The following SYNE2 variants were observed in gnomAD, a reference collection of about 807,000 sequenced individuals.
SYNE2 encodes nesprin-2.
A neutral mutation model predicts 856.3 loss-of-function variants in SYNE2; 431 were observed. The ratio of observed to expected loss-of-function variants is 0.50; its 90% confidence interval spans 0.47 to 0.55. The LOEUF (loss-of-function observed/expected upper bound fraction) is 0.55. SYNE2 is among the 20% of genes least tolerant of loss of function. SYNE2 has a pLI of 0.00. For missense variants in SYNE2, 8,129 were observed against 8,023.2 expected (o/e 1.01, Z -0.50); for synonymous variants, 2,923 against 2,872.3 (o/e 1.02, Z -0.56).
chr14:64,034,650 G>C (rs2097071548), intron 45 of SYNE2: 2 of 460,264 alleles, frequency 4.3e-6, no homozygotes, highest in African/African-American at 3.9e-5. Context: ...GAAATGTTCA[G>C]GCAGACCTAG....
Position 64,202,913 on chromosome 14 carries a change from T to C in SYNE2, c.18151T>C (p.Tyr6051His). 3 of 1,614,234 alleles carry C rather than the reference T, an allele frequency of 1.9e-6. No individual in the cohort carries two copies. The highest frequency in any genetic ancestry group is 2.5e-6 in the Non-Finnish European group (3 of 1,180,038). The change falls in exon 100 of 116, where the codon TAT becomes CAT. Residue 6051 changes from tyrosine to histidine, a missense_variant. Coordinates refer to ENST00000555002, the MANE Select transcript of SYNE2 (RefSeq NM_182914.3). ...IESELSKPVVYDVCDDQEIQK... is the reference protein window; with the variant it reads ...IESELSKPVVHDVCDDQEIQK... Reference sequence around the variant, plus strand: ...GTCTGAGCTTTCCAAGCCTGTTGTTTATGATGTCTGCGATGATCAAGAGAT... The same window carrying C: ...GTCTGAGCTTTCCAAGCCTGTTGTTCATGATGTCTGCGATGATCAAGAGAT...
In SYNE2 at chr14:64,122,402, C is replaced by T; in HGVS notation, c.13397C>T (p.Pro4466Leu). Residue 4466 changes from proline (P) to leucine (L), a missense_variant, in exon 70 of 116, where the codon CCA becomes CTA. Transcript: ENST00000555002. ...HHELSSKIKL[P>L]LPQLVEPQVS... ...GAACTCTCATCAAAAATAAAGCTCCCACTCCCTCAGCTTGTGGAGCCTCAG... is the reference window on the plus strand; with the variant it reads ...GAACTCTCATCAAAAATAAAGCTCCTACTCCCTCAGCTTGTGGAGCCTCAG... The T allele has an allele frequency of 6.2e-7, 1 of 1,614,182 alleles. No homozygotes were observed. The highest frequency in any genetic ancestry group is 8.5e-7 in the Non-Finnish European group (1 of 1,180,024).
intron 49 of SYNE2, among the ~76,000 whole-genome samples, chr14:64,058,456 C>CT (rs2097290697): frequency 6.6e-6 from 1 of 151,560 alleles, no homozygotes; most frequent in Non-Finnish European, 1.5e-5. Flanking sequence ...GACCCATTAT[C>CT]TCTCCCTCTA....
intron 105 of SYNE2, among the ~76,000 whole-genome samples, chr14:64,213,949 G>C (rs946422163): frequency 6.6e-6 from 1 of 152,124 alleles, no homozygotes; most frequent in African/African-American, 2.4e-5. Context: ...TCAAACTTCA[G>C]CTTTTTTTTC....
chr14:64,117,993 T>G (rs1416543582), intron 66 of SYNE2, among the ~76,000 whole-genome samples: 1 of 152,218 alleles, frequency 6.6e-6, no homozygotes. Flanking sequence ...GAGCCCTGAT[T>G]GACTGCAGGT....
intron 6 of SYNE2, among the ~76,000 whole-genome samples, chr14:63,948,151 A>G (rs2096065053): frequency 9.5e-6 from 1 of 104,958 alleles, no homozygotes; most frequent in African/African-American, 3.7e-5. Context: ...GCACATACAC[A>G]CACAGACACA....
chr14:64,101,769 T>TA (rs1290774827), intron 63 of SYNE2, among the ~76,000 whole-genome samples, 163 bp from the exon 64 acceptor site: 9 of 151,970 alleles, frequency 5.9e-5, no homozygotes, highest in African/African-American at 1.2e-4. Context: ...ATATAGTTAG[T>TA]AAAAAAAATA....
chr14:64,107,640 A>G (rs2097780084), intron 65 of SYNE2, 33 bp downstream of exon 65: 14 of 1,533,034 alleles, frequency 9.1e-6, no homozygotes, highest in Admixed American at 1.7e-5. Context: ...TAAACTGCTC[A>G]GATAGCTGGA....
intron 98 of SYNE2, 152 bp from the exon 99 acceptor site, chr14:64,189,919 T>G: frequency 1.2e-6 from 1 of 852,822 alleles, no homozygotes. Context: ...TGCCTCGGCT[T>G]CCCAAACTGC....
intron 1 of SYNE2, among the ~76,000 whole-genome samples, chr14:63,860,447 C>A (rs1275518979): frequency 6.6e-6 from 1 of 152,186 alleles, no homozygotes; most frequent in Admixed American, 6.5e-5. Flanking sequence ...GCATCTCTTT[C>A]TTTTGATGGT....
At chr14:64,113,209 C>G (rs2097826123) in intron 65 of SYNE2, 132 bp from the exon 66 acceptor site, 1 of 1,531,852 alleles carries the variant, frequency 6.5e-7, no homozygotes, top group East Asian at 2.4e-5. Context: ...AGGTGCATTT[C>G]TCTTTTCTTT....
At chr14:64,146,756 T>TG (rs2098190715) in intron 84 of SYNE2, among the ~76,000 whole-genome samples, 1 of 152,264 alleles carries the variant, frequency 6.6e-6, no homozygotes. Flanking sequence ...CTTTGCACAC[T>TG]GATCCTGCTT....
At chr14:64,220,373 T>C in intron 110 of SYNE2, 64 bp from the exon 111 acceptor site, 6 of 1,583,960 alleles carry the variant, frequency 3.8e-6, no homozygotes, top group Non-Finnish European at 5.2e-6. Flanking sequence ...CCTACTGAGG[T>C]TCAAAATGAG....
At chr14:63,795,955 T>A (rs1264017236) in intron 1 of SYNE2, among the ~76,000 whole-genome samples, 1 of 152,200 alleles carries the variant, frequency 6.6e-6, no homozygotes, top group Non-Finnish European at 1.5e-5. Context: ...AGAAAGCAGA[T>A]CTGTGGCAGT....
chr14:63,978,682 C>T (rs1426575735), intron 13 of SYNE2, among the ~76,000 whole-genome samples, 170 bp from the exon 14 acceptor site: 2 of 152,042 alleles, frequency 1.3e-5, no homozygotes, highest in Non-Finnish European at 2.9e-5. Context: ...TATACCTAGT[C>T]ACAGTATTCG....
At position 64,137,724 on chromosome 14, in the gene SYNE2, T is replaced by C. The variant is rs2098106499; in HGVS notation, c.14647-63T>C. The C allele has an allele frequency of 6.4e-6, 10 of 1,561,046 alleles. No individual in the cohort carries two copies. The East Asian group carries it at 2.3e-4, about 36-fold the overall frequency. ...AAATGTCAGTTTTAAATGCAGTATTTGTGAATAGCTTGGCAGACTTTATTT... is the reference window on the plus strand; with the variant it reads ...AAATGTCAGTTTTAAATGCAGTATTCGTGAATAGCTTGGCAGACTTTATTT... On this transcript the variant is annotated intron_variant, in intron 78 of 115. Transcript: ENST00000555002.
At chr14:63,804,992 T>C (rs374380048) in intron 1 of SYNE2, among the ~76,000 whole-genome samples, 1 of 152,212 alleles carries the variant, frequency 6.6e-6, no homozygotes, top group African/African-American at 2.4e-5. Flanking sequence ...ATTTATTGAA[T>C]AAGGAGTCCT....
intron 58 of SYNE2, 75 bp from the exon 59 acceptor site, chr14:64,089,496 AATT>A: frequency 6.9e-7 from 1 of 1,453,060 alleles, no homozygotes; most frequent in Non-Finnish European, 9.4e-7. Context: ...AAGAGAATAA[AATT>A]AATGCCAATA....
At chr14:64,151,505 A>G (rs1212733751) in intron 84 of SYNE2, among the ~76,000 whole-genome samples, 1 of 102,732 alleles carries the variant, frequency 9.7e-6, no homozygotes, top group Non-Finnish European at 2.1e-5. Flanking sequence ...TAGGCAAAGC[A>G]ATTTTCAAAA....
Sources: allele counts gnomAD v4.1 joint callset (sites outside exome capture counted in the v4.1 genomes callset), GRCh38; gene constraint gnomAD v4.1.1; transcripts MANE v1.5; gene names NCBI Gene and HGNC (gene_info 2026-07-23, HGNC 2026-07-21).